Variants in SPHKAP observed in about 807,000 individuals in gnomAD.
The protein encoded by SPHKAP is A-kinase anchor protein SPHKAP.
SPHKAP carries 67 observed loss-of-function variants against 137.5 expected under a neutral mutation model. That is an observed-to-expected ratio of 0.49 (90% confidence interval 0.40 to 0.60). The LOEUF (loss-of-function observed/expected upper bound fraction) is 0.60, where lower values mean the gene tolerates loss of function less well. Among genes scored for constraint, SPHKAP ranks in the 20% least tolerant of loss-of-function variants. The pLI, the probability that SPHKAP is intolerant of heterozygous loss-of-function variation, is 0.00. For synonymous variants in SPHKAP, 813 were observed against 785.3 expected (o/e 1.04, Z -0.59); for missense variants, 2,097 against 2,069.3 (o/e 1.01, Z -0.26).
At chr2:228,167,920 T>C (rs753396265) in intron 1 of SPHKAP, among the ~76,000 whole-genome samples, 2 of 152,086 alleles carry the variant, frequency 1.3e-5, no homozygotes, top group Non-Finnish European at 2.9e-5. Flanking sequence ...CACTAAAGTA[T>C]AAAATGTACC....
intron 8 of SPHKAP, 64 bp downstream of exon 8, chr2:227,995,445 A>C: frequency 6.3e-7 from 1 of 1,592,206 alleles, no homozygotes; most frequent in South Asian, 1.1e-5. Context: ...AGAACCATTA[A>C]AATGCATTTT....
intron 3 of SPHKAP, among the ~76,000 whole-genome samples, chr2:228,065,745 C>T (rs1424522948): frequency 6.6e-6 from 1 of 152,098 alleles, no homozygotes; most frequent in Non-Finnish European, 1.5e-5. Flanking sequence ...ATGGCAGGGT[C>T]ATCAGAATAA....
At chr2:228,052,027 T>C (rs1163943066) in intron 3 of SPHKAP, among the ~76,000 whole-genome samples, 1 of 152,152 alleles carries the variant, frequency 6.6e-6, no homozygotes, top group African/African-American at 2.4e-5. Flanking sequence ...CCATACCAAT[T>C]CTAGCCCAAC....
chr2:228,035,923 A>G (rs947345528), intron 3 of SPHKAP, among the ~76,000 whole-genome samples: 6 of 151,712 alleles, frequency 4.0e-5, no homozygotes, highest in East Asian at 1.9e-4. Context: ...TAAAACCATA[A>G]AAACCCTAGA....
intron 3 of SPHKAP, among the ~76,000 whole-genome samples, chr2:228,061,554 G>A (rs1203812151): frequency 1.3e-5 from 2 of 152,070 alleles, no homozygotes; most frequent in Non-Finnish European, 2.9e-5. Context: ...TTACAGGCAT[G>A]AGCCACCGCG....
Position 228,017,386 on chromosome 2 carries a change from G to T in SPHKAP, c.3468C>A (p.Ala1156=), listed in dbSNP as rs1477441387. The T allele has an allele frequency of 1.9e-6, 3 of 1,614,006 alleles. No individual in the cohort carries two copies. In the East Asian group the frequency reaches 6.7e-5, roughly 36 times the overall value. The part of the protein sequence containing the change: ...LLLDYYAGKN[A]SSILNSAMQQ... ...GCATGGCTGAGTTCAGAATGCTGCT[G>T]GCGTTCTTGCCAGCATAGTAATCCA... is the stretch of plus-strand genomic sequence containing the variant. Residue 1156 remains alanine (A), a synonymous_variant, in exon 7 of 12, where the codon GCC becomes GCA. Coordinates refer to ENST00000392056, the MANE Select transcript of SPHKAP (RefSeq NM_001142644.2).
chr2:228,026,111 A>G (rs1419651671), intron 4 of SPHKAP, among the ~76,000 whole-genome samples: 1 of 152,104 alleles, frequency 6.6e-6, no homozygotes, highest in Non-Finnish European at 1.5e-5. Flanking sequence ...TGCCATCCAC[A>G]TGAGATGTGA....
intron 3 of SPHKAP, among the ~76,000 whole-genome samples, chr2:228,081,782 G>A (rs1697372550): frequency 6.6e-6 from 1 of 152,126 alleles, no homozygotes; most frequent in Admixed American, 6.5e-5. Context: ...TGGTTACCAG[G>A]GGCTGAGAAT....
In SPHKAP at chr2:227,995,605, C is replaced by A. The variant is rs139303619; in HGVS notation, c.4538G>T (p.Ser1513Ile). 6.2e-7 allele frequency: 1 copy of A among 1,613,894 alleles called. No individual in the cohort carries two copies. Among genetic ancestry groups the A allele is most frequent in the African/African-American group, 1.3e-5 (1 of 74,902 alleles). Reference sequence around the variant, plus strand: ...GGTCCAGCTGCCTGTGCTCTCCTCGCTGCTGCTTGGAGGGTTGGGGGCCTC... The same window carrying A: ...GGTCCAGCTGCCTGTGCTCTCCTCGATGCTGCTTGGAGGGTTGGGGGCCTC... The part of the protein sequence containing the change: ...PDEAPNPPSS[S>I]EESTGSWTQL... Residue 1513 changes from serine (S) to isoleucine (I), a missense_variant, in exon 8 of 12, where the codon AGC becomes ATC. Physicochemically the swap from Ser to Ile is moderately radical, Grantham distance 142. Coordinates refer to ENST00000392056, the MANE Select transcript of SPHKAP (RefSeq NM_001142644.2).
In SPHKAP at chr2:228,018,109, C is replaced by T. The variant is rs137996231; in HGVS notation, c.2745G>A (p.Thr915=). 4.4e-5 allele frequency: 71 copies of T among 1,613,968 alleles called. No homozygotes were observed. The highest frequency in any genetic ancestry group is 1.0e-4 in the Admixed American group (6 of 59,994). ...AGATGTCTGGATGCTTTGTTTGAAG[C>T]GTGGATTGAGCAGGAAGCAGCAGGT... is the stretch of plus-strand genomic sequence containing the variant. The part of the protein sequence containing the change: ...GDDLLLPAQS[T]LQTKHPDIYC... The change falls in exon 7 of 12, where the codon ACG becomes ACA. Residue 915 remains threonine, a synonymous_variant. Coordinates refer to ENST00000392056, the MANE Select transcript of SPHKAP (RefSeq NM_001142644.2).
At chr2:228,026,504 G>A (rs548540938) in intron 4 of SPHKAP, among the ~76,000 whole-genome samples, 2 of 152,220 alleles carry the variant, frequency 1.3e-5, no homozygotes, top group South Asian at 4.2e-4. Context: ...AGTTCATATA[G>A]CTAAATCAGT....
intron 3 of SPHKAP, chr2:228,028,161 G>T: frequency 3.3e-6 from 2 of 598,352 alleles, no homozygotes; most frequent in Non-Finnish European, 2.1e-6. Context: ...TTTATAAGGT[G>T]TTATCAGATC....
chr2:228,076,595 A>G (rs1018220167), intron 3 of SPHKAP, among the ~76,000 whole-genome samples: 3 of 152,136 alleles, frequency 2.0e-5, no homozygotes, highest in African/African-American at 7.2e-5. Flanking sequence ...AGATTGGTGG[A>G]ACTTTGAACT....
At chr2:228,020,499 A>G (rs1274638569) in intron 6 of SPHKAP, among the ~76,000 whole-genome samples, 3 of 152,308 alleles carry the variant, frequency 2.0e-5, no homozygotes, top group Admixed American at 6.5e-5. Flanking sequence ...GTTCTCACTC[A>G]TAGGTGGGAA....
At chr2:228,158,532 C>T (rs1700179172) in intron 1 of SPHKAP, among the ~76,000 whole-genome samples, 1 of 151,808 alleles carries the variant, frequency 6.6e-6, no homozygotes. Flanking sequence ...ATGGAGTGAA[C>T]TTAGGGCCCA....
chr2:227,982,929 A>ATATG, intron 11 of SPHKAP, among the ~76,000 whole-genome samples: 1 of 152,280 alleles, frequency 6.6e-6, no homozygotes, highest in Middle Eastern at 3.4e-3. Flanking sequence ...GATCTCAAGA[A>ATATG]GACTGTTGGG....
At chr2:228,155,203 A>C (rs949209906) in intron 1 of SPHKAP, among the ~76,000 whole-genome samples, 1 of 151,900 alleles carries the variant, frequency 6.6e-6, no homozygotes, top group Non-Finnish European at 1.5e-5. Context: ...CTTTTTATTC[A>C]TTCAGCAGTT....
rs1001952553 is a variant in SPHKAP, at chr2:228,028,071, C to T, written c.247-528G>A. 26 of 985,178 alleles carry T rather than the reference C, an allele frequency of 2.6e-5. No individual in the cohort carries two copies. The East Asian group carries it at 6.8e-4, about 26-fold the overall frequency. The allele number at this position is 985,178 out of a possible 1,614,324, so 61.0% of individuals were successfully genotyped here. ...CTTCCCACTGGTCACAACAAATGCC[C>T]GCTTCCTTTCATGGCCCAACATACT... On this transcript the variant is annotated intron_variant, in intron 3 of 11. Transcript: ENST00000392056.
chr2:228,102,643 A>G (rs926236631), intron 3 of SPHKAP, among the ~76,000 whole-genome samples: 1 of 152,248 alleles, frequency 6.6e-6, no homozygotes, highest in Non-Finnish European at 1.5e-5. Context: ...CACTCCATAC[A>G]GTATTTACTG....
Sources: allele counts gnomAD v4.1 joint callset (sites outside exome capture counted in the v4.1 genomes callset), GRCh38; gene constraint gnomAD v4.1.1; transcripts MANE v1.5; gene names NCBI Gene and HGNC (gene_info 2026-07-23, HGNC 2026-07-21).